VTA1: variants seen among roughly 807,000 people sequenced by gnomAD.
The protein encoded by VTA1 is vacuolar protein sorting-associated protein VTA1 homolog.
A neutral mutation model predicts 36.9 loss-of-function variants in VTA1; 24 were observed. The observed-to-expected ratio is 0.65, with a 90% CI of 0.47 to 0.91. The LOEUF is 0.91. Among genes scored for constraint, VTA1 ranks in the 40% least tolerant of loss-of-function variants. The pLI, the probability that VTA1 is intolerant of heterozygous loss-of-function variation, is 0.00. For missense variants in VTA1, 393 were observed against 377.2 expected, an observed-to-expected ratio of 1.04 and a Z score of -0.35; for synonymous variants, 142 against 130.2, an observed-to-expected ratio of 1.09 and a Z score of -0.62.
Position 142,166,270 on chromosome 6 carries a change from A to G in VTA1, c.155A>G (p.Lys52Arg). 6.2e-7 allele frequency: 1 copy of G among 1,612,676 alleles called. No individual in the cohort carries two copies. Among genetic ancestry groups the G allele is most frequent in the East Asian group, 2.2e-5 (1 of 44,760 alleles). The change falls in exon 2 of 8, where the codon AAA becomes AGA. Residue 52 changes from lysine to arginine, a missense_variant. Coordinates refer to ENST00000367630, the MANE Select transcript of VTA1 (RefSeq NM_016485.5). The part of the protein sequence containing the change: ...AMQTGMKIDS[K>R]TPECRKFLSK... ...CAGACTGGAATGAAGATCGATAGTA[A>G]AACTCCTGAATGTCGCAAATTTTTA...
chr6:142,217,254 T>C (rs1253677051), intron 7 of VTA1, among the ~76,000 whole-genome samples: 2 of 152,154 alleles, frequency 1.3e-5, no homozygotes, highest in African/African-American at 4.8e-5. Context: ...TAAGTATATG[T>C]GTATTTTAAA....
At chr6:142,208,853 C>G (rs1184553745) in intron 7 of VTA1, among the ~76,000 whole-genome samples, 4 of 152,116 alleles carry the variant, frequency 2.6e-5, no homozygotes, top group Non-Finnish European at 4.4e-5. Context: ...TTCCCAGACA[C>G]AAAAGCTGAC....
intron 1 of VTA1, among the ~76,000 whole-genome samples, chr6:142,148,293 C>T (rs1475312019): frequency 6.6e-6 from 1 of 152,162 alleles, no homozygotes; most frequent in Non-Finnish European, 1.5e-5. Flanking sequence ...CAAATGTACC[C>T]TGTTTCTCAA....
chr6:142,161,089 C>A lies in VTA1; in HGVS notation c.113-5139C>A, dbSNP rs558611285. 7.0e-3 allele frequency among the ~76,000 whole-genome samples: 1,011 copies of A among 143,590 alleles called. 43 individuals carry two copies. Among genetic ancestry groups the A allele is most frequent in the African/African-American group, 0.025 (961 of 38,042 alleles). 94.2% of individuals were successfully genotyped at this position (143,590 alleles called of 152,430 possible). A position where few individuals can be genotyped will look rare whatever the true frequency, so the allele number is the denominator to read the frequency against. Reference sequence around the variant, plus strand: ...CATGCTTCCTTCCTTCCCCCCCCCCCCTTTTTTTGGGTCAAATAGTGTGCC... The same window carrying A: ...CATGCTTCCTTCCTTCCCCCCCCCCACTTTTTTTGGGTCAAATAGTGTGCC... On this transcript the variant is annotated intron_variant, in intron 1 of 7. Coordinates refer to ENST00000367630, the MANE Select transcript of VTA1 (RefSeq NM_016485.5).
chr6:142,217,561 TAC>T (rs915190614), intron 7 of VTA1, among the ~76,000 whole-genome samples: 4 of 151,378 alleles, frequency 2.6e-5, no homozygotes, highest in Non-Finnish European at 4.4e-5. Flanking sequence ...TATTTGTGTA[TAC>T]ACACACGCAG....
At chr6:142,167,564 T>C (rs1017889885) in intron 2 of VTA1, among the ~76,000 whole-genome samples, 2 of 152,202 alleles carry the variant, frequency 1.3e-5, no homozygotes, top group Non-Finnish European at 2.9e-5. Flanking sequence ...TATGTATTGT[T>C]AGGAGGTTAT....
intron 1 of VTA1, among the ~76,000 whole-genome samples, chr6:142,155,593 G>C (rs1778648251): frequency 6.6e-6 from 1 of 152,136 alleles, no homozygotes; most frequent in Non-Finnish European, 1.5e-5. Flanking sequence ...TGTCTTCAGT[G>C]ACCCCTCATG....
In VTA1 at chr6:142,222,054, G is replaced by T. The variant is rs1050574680; in HGVS notation, c.*3411G>T. ...AGTAGCCTTGGAGGTAATAAAACGG[G>T]ATTGGTTTCTGGCGGCTTTTTTTTA... On this transcript the variant is annotated 3_prime_UTR_variant, in exon 8 of 8. Transcript: ENST00000367630. 2.6e-5 allele frequency: 4 copies of T among 151,990 alleles called. No individual in the cohort carries two copies. Among genetic ancestry groups the T allele is most frequent in the Non-Finnish European group, 5.9e-5 (4 of 68,018 alleles). The allele number at this position is 151,990 out of a possible 1,614,324, so 9.4% of individuals were successfully genotyped here.
At chr6:142,198,181 A>G (rs1334555766) in intron 5 of VTA1, among the ~76,000 whole-genome samples, 1 of 150,654 alleles carries the variant, frequency 6.6e-6, no homozygotes, top group Non-Finnish European at 1.5e-5. Context: ...GTGTACATAT[A>G]CACTATATGC....
At chr6:142,160,887 C>T (rs919379424) in intron 1 of VTA1, among the ~76,000 whole-genome samples, 1 of 152,038 alleles carries the variant, frequency 6.6e-6, no homozygotes, top group African/African-American at 2.4e-5. Flanking sequence ...TCTTTTTATT[C>T]TTTGGACAAT....
intron 4 of VTA1, among the ~76,000 whole-genome samples, chr6:142,178,153 A>C (rs1214589683): frequency 1.3e-5 from 2 of 152,192 alleles, no homozygotes; most frequent in Non-Finnish European, 2.9e-5. Flanking sequence ...ACTGAAGTCT[A>C]GTGATGGAAG....
intron 7 of VTA1, among the ~76,000 whole-genome samples, chr6:142,214,877 A>G (rs1775976585): frequency 6.6e-6 from 1 of 152,196 alleles, no homozygotes; most frequent in Admixed American, 6.5e-5. Flanking sequence ...AAAATAGTGC[A>G]TTTATAACCA....
intron 4 of VTA1, among the ~76,000 whole-genome samples, chr6:142,177,771 T>G (rs1320746946): frequency 6.6e-6 from 1 of 152,164 alleles, no homozygotes; most frequent in Non-Finnish European, 1.5e-5. Flanking sequence ...AGCATATAGC[T>G]CTATCATATA....
chr6:142,169,431 A>C, intron 2 of VTA1, 119 bp from the exon 3 acceptor site: 1 of 1,154,132 alleles, frequency 8.7e-7, no homozygotes, highest in Non-Finnish European at 1.2e-6. Flanking sequence ...CATTGATGAC[A>C]TCTTTTATTG....
intron 7 of VTA1, among the ~76,000 whole-genome samples, chr6:142,217,516 T>A (rs1225787565): frequency 6.6e-6 from 1 of 151,648 alleles, no homozygotes; most frequent in African/African-American, 2.4e-5. Flanking sequence ...TTTGCCTAGG[T>A]GATGTCAAAT....
rs199666023 is a variant in VTA1, at chr6:142,161,077, T to TCC, written c.113-5151_113-5150insCC. ...CAGGCATTCATTCATGCTTCCTTCCTTCCCCCCCCCCCCTTTTTTTGGGTC... is the reference window on the plus strand; with the variant it reads ...CAGGCATTCATTCATGCTTCCTTCCTCCTCCCCCCCCCCCCTTTTTTTGGGTC... On this transcript the variant is annotated intron_variant, in intron 1 of 7. Transcript: ENST00000367630. Among the ~76,000 whole-genome samples, 350 of 90,728 alleles carry TCC rather than the reference T, an allele frequency of 3.9e-3. 31 individuals are homozygous for TCC. The highest frequency in any genetic ancestry group is 0.017 in the East Asian group (29 of 1,744). The allele number at this position is 90,728 out of a possible 152,430, so 59.5% of individuals were successfully genotyped here.
chr6:142,185,471 A>G (rs1313751429), intron 4 of VTA1, among the ~76,000 whole-genome samples: 3 of 152,218 alleles, frequency 2.0e-5, no homozygotes, highest in African/African-American at 4.8e-5. Context: ...TTGCTGGAGC[A>G]TAGGTTAATA....
chr6:142,207,722 C>T (rs1045708707), intron 7 of VTA1, among the ~76,000 whole-genome samples: 1 of 152,026 alleles, frequency 6.6e-6, no homozygotes, highest in Non-Finnish European at 1.5e-5. Flanking sequence ...TCTTCCAGTG[C>T]AAAGACATAG....
chr6:142,152,050 AAAG>A (rs935745952), intron 1 of VTA1, among the ~76,000 whole-genome samples: 6 of 152,120 alleles, frequency 3.9e-5, no homozygotes, highest in East Asian at 3.9e-4. Context: ...ATAATAAGAA[AAAG>A]AAGAAGAAGA....
Sources: allele counts gnomAD v4.1 joint callset (sites outside exome capture counted in the v4.1 genomes callset), GRCh38; gene constraint gnomAD v4.1.1; transcripts MANE v1.5; gene names NCBI Gene and HGNC (gene_info 2026-07-23, HGNC 2026-07-21).